DAB1: variants seen among roughly 807,000 people sequenced by gnomAD.
DAB1 encodes DAB adaptor protein 1.
A neutral mutation model predicts 64.6 loss-of-function variants in DAB1; 15 were observed. The observed-to-expected ratio is 0.23, with a 90% CI of 0.16 to 0.36. DAB1 has a LOEUF of 0.36. Among genes scored for constraint, DAB1 ranks in the 10% least tolerant of loss-of-function variants. The probability of loss-of-function intolerance (pLI) is 1.00; values close to 1 mark genes in which losing one functional copy is unlikely to be tolerated. For synonymous variants in DAB1, 235 were observed against 251.9 expected, an observed-to-expected ratio of 0.93 and a Z score of 0.64; for missense variants, 596 against 706.7, an observed-to-expected ratio of 0.84 and a Z score of 1.78.
intron 5 of DAB1, among the ~76,000 whole-genome samples, chr1:58,143,419 A>G (rs190468041): frequency 1.6e-4 from 24 of 152,326 alleles, no homozygotes; most frequent in African/African-American, 5.3e-4. Context: ...AACAGCAGGT[A>G]TTCATTCCAA....
chr1:58,026,702 G>T lies in DAB1; in HGVS notation n.387+123809C>A, dbSNP rs558057224. Among the ~76,000 whole-genome samples the T allele has an allele frequency of 1.6e-4, 25 of 152,288 alleles. 1 individual carries two copies. The South Asian group carries it at 5.0e-3, about 30-fold the overall frequency. ...GGCATCCATCTCAGAGGAAGAAAAA[G>T]CCAGAGTTATGCCTTTGTCTTTCAT... On this transcript the variant is annotated intron_variant and non_coding_transcript_variant, in intron 5 of 20. Coordinates refer to the DAB1 transcript ENST00000485760.
At chr1:57,810,482 G>A (rs1557493427) in intron 6 of DAB1, among the ~76,000 whole-genome samples, 1 of 152,116 alleles carries the variant, frequency 6.6e-6, no homozygotes, top group Non-Finnish European at 1.5e-5. Flanking sequence ...GGGCAGGGAG[G>A]AAAAGGGAAA....
At chr1:57,750,146 G>T (rs187267182) in intron 6 of DAB1, among the ~76,000 whole-genome samples, 21 of 152,222 alleles carry the variant, frequency 1.4e-4, no homozygotes, top group Admixed American at 1.1e-3. Flanking sequence ...CCTGGAAATG[G>T]ATCTTTTCCT....
chr1:57,268,647 G>A (rs1670762848), intron 2 of DAB1, among the ~76,000 whole-genome samples: 1 of 152,200 alleles, frequency 6.6e-6, no homozygotes, highest in Non-Finnish European at 1.5e-5. Flanking sequence ...AATAAGGAGA[G>A]CTGTCAGTCA....
At chr1:58,466,790 C>T (rs1007395250) in intron 3 of DAB1, among the ~76,000 whole-genome samples, 18 of 152,284 alleles carry the variant, frequency 1.2e-4, no homozygotes, top group South Asian at 4.1e-4. Context: ...GGTTGAACAG[C>T]GCCTGTCCCA....
intron 2 of DAB1, among the ~76,000 whole-genome samples, chr1:57,284,896 C>T (rs1166720168): frequency 1.3e-5 from 2 of 152,088 alleles, no homozygotes; most frequent in African/African-American, 2.4e-5. Flanking sequence ...AGCACAGCTG[C>T]GAGTTACAGA....
intron 5 of DAB1, among the ~76,000 whole-genome samples, chr1:58,019,392 A>T (rs1251542261): frequency 6.6e-6 from 1 of 152,186 alleles, no homozygotes; most frequent in African/African-American, 2.4e-5. Context: ...AATAACTTTT[A>T]CCTCATAATA....
At chr1:57,857,421 A>T (rs535123858) in intron 1 of DAB1, among the ~76,000 whole-genome samples, 27 of 152,200 alleles carry the variant, frequency 1.8e-4, no homozygotes, top group Non-Finnish European at 3.2e-4. Context: ...GATGGTAATG[A>T]TGATGGTGAT....
At position 58,383,720 on chromosome 1, in the gene DAB1, G is replaced by A. The variant is rs192318311; in HGVS notation, n.258-40317C>T. ...CTCAAATATTTCTGCCTTTTCTAAG[G>A]CTTCCCTGACCCTATACTCACATCT... On this transcript the variant is annotated intron_variant and non_coding_transcript_variant, in intron 3 of 20. Transcript: ENST00000485760. 7.2e-5 allele frequency among the ~76,000 whole-genome samples: 11 copies of A among 152,066 alleles called. No individual in the cohort carries two copies. The East Asian group carries it at 2.1e-3, about 29-fold the overall frequency.
chr1:58,378,964 T>G (rs1334326300), intron 3 of DAB1, among the ~76,000 whole-genome samples: 25 of 132,368 alleles, frequency 1.9e-4, no homozygotes, highest in African/African-American at 4.1e-4. Context: ...CGTCACCCCT[T>G]TCTTTGACTC....
intron 7 of DAB1, among the ~76,000 whole-genome samples, chr1:57,555,576 G>T (rs1273313304): frequency 6.6e-6 from 1 of 152,108 alleles, no homozygotes; most frequent in African/African-American, 2.4e-5. Context: ...ATCAGCAATG[G>T]TCATTTACAC....
Position 57,682,241 on chromosome 1 carries a change from A to T in DAB1, n.552-32576T>A, listed in dbSNP as rs144579991. On this transcript the variant is annotated intron_variant and non_coding_transcript_variant, in intron 6 of 20. Coordinates refer to the DAB1 transcript ENST00000485760. ...AACCATTAAACATAAGAAGCACTTT[A>T]AAAAAATGGGTAAAAATAGAACAAA... Among the ~76,000 whole-genome samples the T allele has an allele frequency of 6.0e-3, 918 of 151,992 alleles. 10 individuals are homozygous for T. Among genetic ancestry groups the T allele is most frequent in the African/African-American group, 0.02 (845 of 41,440 alleles).
chr1:57,284,021 A>G (rs992169474), intron 2 of DAB1, among the ~76,000 whole-genome samples: 18 of 152,224 alleles, frequency 1.2e-4, no homozygotes, highest in African/African-American at 4.3e-4. Context: ...GTATTGTGTT[A>G]CTTATGTTTA....
intron 4 of DAB1, among the ~76,000 whole-genome samples, chr1:58,297,910 A>G (rs568675675): frequency 3.6e-4 from 55 of 152,328 alleles, no homozygotes; most frequent in African/African-American, 1.3e-3. Flanking sequence ...GAGCTGAGAA[A>G]GAATGTGTCT....
intron 1 of DAB1, among the ~76,000 whole-genome samples, chr1:57,871,655 C>T (rs1643951561): frequency 6.6e-6 from 1 of 152,172 alleles, no homozygotes; most frequent in South Asian, 2.1e-4. Context: ...CAGTTTTGCT[C>T]TAGGTTTGTC....
In DAB1 at chr1:58,546,251, G is replaced by C. The variant is rs560321372; in HGVS notation, n.32+452C>G. On this transcript the variant is annotated intron_variant and non_coding_transcript_variant, in intron 1 of 20. Transcript: ENST00000485760. ...TGAAGAGGGAAGGGGTGAAAGAGAC[G>C]AATGCCCGACGCGCCGGGAGGCGGT... Among the ~76,000 whole-genome samples, 4 of 152,332 alleles carry C rather than the reference G, an allele frequency of 2.6e-5. No individual in the cohort carries two copies. The East Asian group carries it at 7.7e-4, about 29-fold the overall frequency.
At chr1:57,681,036 T>C (rs1646630858) in intron 6 of DAB1, among the ~76,000 whole-genome samples, 1 of 152,194 alleles carries the variant, frequency 6.6e-6, no homozygotes, top group African/African-American at 2.4e-5. Flanking sequence ...CTGGATGACT[T>C]AAAATAATAG....
At chr1:58,149,452 C>T (rs1278282539) in intron 5 of DAB1, among the ~76,000 whole-genome samples, 1 of 152,128 alleles carries the variant, frequency 6.6e-6, no homozygotes, top group Non-Finnish European at 1.5e-5. Flanking sequence ...AGGAAGGAAG[C>T]CATCAACTGT....
At chr1:58,108,904 G>T (rs1382774149) in intron 5 of DAB1, among the ~76,000 whole-genome samples, 1 of 152,066 alleles carries the variant, frequency 6.6e-6, no homozygotes, top group Non-Finnish European at 1.5e-5. Context: ...TGTCTTTTGG[G>T]GCCTCAAATG....
Sources: allele counts gnomAD v4.1 joint callset (sites outside exome capture counted in the v4.1 genomes callset), GRCh38; gene constraint gnomAD v4.1.1; transcripts MANE v1.5; gene names NCBI Gene and HGNC (gene_info 2026-07-23, HGNC 2026-07-21).